Variants in UNC13C observed in about 807,000 individuals in gnomAD.
UNC13C encodes protein unc-13 homolog C.
A neutral mutation model predicts 245.4 loss-of-function variants in UNC13C; 174 were observed. The observed-to-expected ratio is 0.71, with a 90% CI of 0.63 to 0.80. The LOEUF is 0.80. Ranked by LOEUF, UNC13C falls within the 30% of genes least tolerant of loss-of-function variation. UNC13C has a pLI of 0.00. For synonymous variants in UNC13C, 992 were observed against 895.1 expected, an observed-to-expected ratio of 1.11 and a Z score of -1.93; for missense variants, 2,829 against 2,602.9, an observed-to-expected ratio of 1.09 and a Z score of -1.89.
intron 4 of UNC13C, among the ~76,000 whole-genome samples, chr15:54,223,495 C>G (rs942694762): frequency 6.6e-6 from 1 of 151,966 alleles, no homozygotes; most frequent in Admixed American, 6.6e-5. Context: ...GTTACTGTAG[C>G]TCTGTAGAAT....
intron 19 of UNC13C, among the ~76,000 whole-genome samples, chr15:54,432,082 CA>C (rs2140976346): frequency 6.6e-6 from 1 of 151,502 alleles, no homozygotes; most frequent in African/African-American, 2.4e-5. Context: ...CTAACAACCA[CA>C]AAAATGTTAC....
At chr15:54,165,712 G>T (rs1029016336) in intron 4 of UNC13C, among the ~76,000 whole-genome samples, 2 of 151,852 alleles carry the variant, frequency 1.3e-5, no homozygotes, top group Non-Finnish European at 2.9e-5. Context: ...CAAAATTATT[G>T]CTCTGAATTA....
chr15:53,974,909 G>A (rs1365954456), upstream of UNC13C: 2 of 152,036 alleles, frequency 1.3e-5, no homozygotes, highest in Non-Finnish European at 2.9e-5. Flanking sequence ...ATGGTTAGAG[G>A]GTCAGCTTCT....
intron 18 of UNC13C, among the ~76,000 whole-genome samples, chr15:54,410,554 G>T (rs1389210659): frequency 6.6e-6 from 1 of 151,984 alleles, no homozygotes; most frequent in African/African-American, 2.4e-5. Flanking sequence ...TGGTGAAAAA[G>T]ATCCAGTTTC....
intron 4 of UNC13C, among the ~76,000 whole-genome samples, chr15:54,231,800 A>G (rs547970668): frequency 1.4e-4 from 21 of 152,168 alleles, no homozygotes; most frequent in African/African-American, 4.1e-4. Context: ...CTTGTCTGCT[A>G]TGGTCTGTTC....
chr15:54,226,907 A>T (rs1487982434), intron 4 of UNC13C, among the ~76,000 whole-genome samples: 1 of 152,112 alleles, frequency 6.6e-6, no homozygotes, highest in Non-Finnish European at 1.5e-5. Context: ...GGGAGTCCCC[A>T]GGTCTGGGAT....
At chr15:54,351,210 G>C (rs1380308795) in intron 17 of UNC13C, among the ~76,000 whole-genome samples, 2 of 152,092 alleles carry the variant, frequency 1.3e-5, no homozygotes, top group Admixed American at 1.3e-4. Context: ...TGCTGCTAAA[G>C]GGTTCTTGGC....
intron 2 of UNC13C, among the ~76,000 whole-genome samples, chr15:54,140,037 C>G (rs1022587568): frequency 3.3e-5 from 5 of 152,016 alleles, no homozygotes; most frequent in Non-Finnish European, 7.4e-5. Context: ...CACTTTTAAT[C>G]TATTATTTTG....
At chr15:54,003,214 G>A (rs957701572) in intron 1 of UNC13C, among the ~76,000 whole-genome samples, 1 of 152,106 alleles carries the variant, frequency 6.6e-6, no homozygotes, top group Non-Finnish European at 1.5e-5. Context: ...GTGGGAGGGG[G>A]CTTGTTTCTG....
At chr15:53,980,835 T>G (rs1391235240) in intron 1 of UNC13C, among the ~76,000 whole-genome samples, 2 of 152,160 alleles carry the variant, frequency 1.3e-5, no homozygotes, top group African/African-American at 4.8e-5. Context: ...TAAAGTAAAC[T>G]GTTTTCCTTT....
chr15:54,506,318 A>T (rs2141108379), intron 22 of UNC13C, among the ~76,000 whole-genome samples: 1 of 152,332 alleles, frequency 6.6e-6, no homozygotes, highest in East Asian at 1.9e-4. Flanking sequence ...ATTCATACGT[A>T]CAAACGAATA....
At chr15:54,434,242 C>T (rs1264680432) in intron 19 of UNC13C, among the ~76,000 whole-genome samples, 2 of 151,878 alleles carry the variant, frequency 1.3e-5, no homozygotes, top group Non-Finnish European at 2.9e-5. Context: ...CCTTAAATTT[C>T]ATATGGAACA....
intron 14 of UNC13C, among the ~76,000 whole-genome samples, chr15:54,322,909 AAGG>A (rs1315679433): frequency 6.6e-6 from 1 of 151,866 alleles, no homozygotes; most frequent in Non-Finnish European, 1.5e-5. Flanking sequence ...ACAGGGAGGG[AAGG>A]AGAAGATGCC....
At chr15:54,589,337 C>T (rs1898657231) in intron 30 of UNC13C, among the ~76,000 whole-genome samples, 1 of 108,140 alleles carries the variant, frequency 9.2e-6, no homozygotes, top group African/African-American at 3.6e-5. Context: ...CTCACTCTGT[C>T]ACCCAGGCTG....
the UNC13C span, among the ~76,000 whole-genome samples, chr15:53,902,547 A>G: frequency 1.3e-5 from 2 of 152,248 alleles, no homozygotes; most frequent in African/African-American, 4.8e-5. Context: ...AACACCTGTA[A>G]TGACGGATGG....
chr15:54,130,010 C>G (rs1000590264), intron 2 of UNC13C, among the ~76,000 whole-genome samples: 1 of 150,182 alleles, frequency 6.7e-6, no homozygotes, highest in Non-Finnish European at 1.5e-5. Flanking sequence ...AACCTTTCTT[C>G]TGTTACATTA....
intron 10 of UNC13C, among the ~76,000 whole-genome samples, chr15:54,293,492 C>T (rs1026659481): frequency 6.6e-6 from 1 of 151,930 alleles, no homozygotes; most frequent in African/African-American, 2.4e-5. Context: ...TCTGTGAAGT[C>T]CACATTCTCA....
intron 4 of UNC13C, among the ~76,000 whole-genome samples, chr15:54,230,794 A>C (rs1196923357): frequency 6.6e-6 from 1 of 152,044 alleles, no homozygotes; most frequent in Non-Finnish European, 1.5e-5. Context: ...CAAGTATGTT[A>C]ATTAACTTGA....
chr15:53,936,133 GAGAC>G, the UNC13C span, among the ~76,000 whole-genome samples: 1 of 152,218 alleles, frequency 6.6e-6, no homozygotes, highest in Admixed American at 6.5e-5. Flanking sequence ...GAGACTGCCT[GAGAC>G]AGACCAAGTT....
Sources: gnomAD v4.1 joint callset for allele counts (sites outside exome capture counted in the v4.1 genomes callset) on GRCh38, gnomAD v4.1.1 for gene constraint, MANE v1.5 for transcripts, NCBI Gene and HGNC (gene_info 2026-07-23, HGNC 2026-07-21) for gene names.